PIAS1: variants seen among roughly 807,000 people sequenced by gnomAD.
The protein encoded by PIAS1 is protein inhibitor of activated STAT 1, also known as E3 SUMO-protein ligase PIAS1.
Under a neutral mutation model 71.3 loss-of-function variants are expected in PIAS1, and 6 were observed. The ratio of observed to expected loss-of-function variants is 0.08; its 90% CI spans 0.05 to 0.17. The LOEUF is 0.17. Ranked by LOEUF, PIAS1 falls within the 10% of genes least tolerant of loss-of-function variation. The probability of loss-of-function intolerance (pLI) is 1.00; values close to 1 mark genes in which losing one functional copy is unlikely to be tolerated. For missense variants in PIAS1, 555 were observed against 793.6 expected (o/e 0.70, Z 3.61); for synonymous variants, 303 against 292.9 (o/e 1.03, Z -0.35).
chr15:68,142,296 T>G lies in PIAS1; in HGVS notation c.561T>G (p.Ile187Met), dbSNP rs1216807597. Residue 187 changes from isoleucine (I) to methionine (M), a missense_variant, in exon 4 of 14, where the codon ATT (isoleucine) becomes ATG (methionine). Physicochemically the swap from Ile to Met is conservative, Grantham distance 10. Around this residue, in one of 5 missense-constraint regions of PIAS1, gnomAD observed 134 missense variants for 203.4 expected, o/e 0.66. Coordinates refer to ENST00000249636, the MANE Select transcript of PIAS1 (RefSeq NM_016166.3). The stretch of plus-strand genomic sequence containing the variant: ...CCTATTCTGTCTCTTCTAGGGATAT[T>G]TCTGGGACCAAATGTGACTTCACAG... ...QVQQISSSMD[I>M]SGTKCDFTVQ... The G allele has an allele frequency of 6.2e-7, 1 of 1,605,138 alleles. No homozygotes were observed. The highest frequency in any genetic ancestry group is 1.1e-5 in the South Asian group (1 of 90,750).
At position 68,191,650 on chromosome 15, in the gene PIAS1, G is replaced by A. The variant is rs2093120831; in HGVS notation, c.*3815G>A. 1 of 152,572 alleles carries A rather than the reference G, an allele frequency of 6.6e-6. No individual in the cohort carries two copies. Among genetic ancestry groups the A allele is most frequent in the South Asian group, 2.1e-4 (1 of 4,832 alleles). The allele number at this position is 152,572 out of a possible 1,614,324, so 9.5% of individuals were successfully genotyped here. ...AATATAGCCATCATTTCCCTTTCTT[G>A]TTGAAATATGGCTAACTCTTTAATA... On this transcript the variant is annotated 3_prime_UTR_variant, in exon 14 of 14. Transcript: ENST00000249636.
At position 68,187,090 on chromosome 15, in the gene PIAS1, G is replaced by A. The variant is rs1348160729; in HGVS notation, c.1663-452G>A. On this transcript the variant is annotated intron_variant, in intron 13 of 13. Transcript: ENST00000249636. The surrounding 1 kb of genome is among the most constrained non-coding windows in gnomAD (Gnocchi z 5.3). ...ATTTAAATAAAAATTCTAACTTTCA[G>A]TGGTGCCTGAGTGTATAATAAGAAC... is the stretch of plus-strand genomic sequence containing the variant. Among the ~76,000 whole-genome samples, 1 of 152,182 alleles carries A rather than the reference G, an allele frequency of 6.6e-6. No individual in the cohort carries two copies. Among genetic ancestry groups the A allele is most frequent in the East Asian group, 1.9e-4 (1 of 5,196 alleles).
chr15:68,155,892 G>A (rs2092885485), intron 7 of PIAS1, among the ~76,000 whole-genome samples: 1 of 152,078 alleles, frequency 6.6e-6, no homozygotes, highest in Non-Finnish European at 1.5e-5. Flanking sequence ...CCCTCTCTCA[G>A]CACTCTGCCA....
intron 11 of PIAS1, among the ~76,000 whole-genome samples, chr15:68,177,699 G>A (rs1332795948): frequency 4.6e-5 from 7 of 152,188 alleles, no homozygotes; most frequent in African/African-American, 1.4e-4. Flanking sequence ...TTTCTGGGGG[G>A]TGGTAAAACA....
At chr15:68,069,345 C>G (rs1413029469) in intron 1 of PIAS1, among the ~76,000 whole-genome samples, 1 of 152,192 alleles carries the variant, frequency 6.6e-6, no homozygotes, top group Admixed American at 6.5e-5. Flanking sequence ...CGCTCCCCTC[C>G]TCCTTCCTTT....
chr15:68,086,574 C>T lies in PIAS1; in HGVS notation c.293C>T (p.Thr98Ile). ...TLSPSTIPQL[T>I]YDGHPASSPL... ...TCTCCATCTACCATTCCACAACTCACTTACGATGGTCACCCTGCATCATCG... is the reference window on the plus strand; with the variant it reads ...TCTCCATCTACCATTCCACAACTCATTTACGATGGTCACCCTGCATCATCG... The change falls in exon 2 of 14, where the codon ACT becomes ATT. Residue 98 changes from threonine to isoleucine, a missense_variant. By Grantham distance (89) the Thr-to-Ile change is moderately conservative (BLOSUM62 -1). Around this residue, in one of 5 missense-constraint regions of PIAS1, gnomAD observed 80 missense variants for 66.9 expected, o/e 1.20. Transcript: ENST00000249636. This position sits in a 1 kb window ranked among gnomAD's most constrained non-coding sequence, Gnocchi z 7.2. The T allele has an allele frequency of 2.5e-6, 4 of 1,613,964 alleles. No individual in the cohort carries two copies. Among genetic ancestry groups the T allele is most frequent in the Non-Finnish European group, 3.4e-6 (4 of 1,179,862 alleles).
chr15:68,154,491 A>G (rs2092873749), intron 7 of PIAS1, among the ~76,000 whole-genome samples: 1 of 152,112 alleles, frequency 6.6e-6, no homozygotes, highest in Non-Finnish European at 1.5e-5. Flanking sequence ...TTTGATGTGA[A>G]CTGATTAATG....
chr15:68,170,242 T>C (rs1280274498), intron 8 of PIAS1, among the ~76,000 whole-genome samples: 1 of 152,220 alleles, frequency 6.6e-6, no homozygotes, highest in Non-Finnish European at 1.5e-5. Flanking sequence ...GGGGATTTTG[T>C]TGTTATTCAA....
intron 11 of PIAS1, 50 bp downstream of exon 11, chr15:68,176,704 G>A: frequency 7.9e-7 from 1 of 1,263,020 alleles, no homozygotes; most frequent in East Asian, 2.5e-5. Context: ...AATTAACTTG[G>A]CAAATAGGGA....
chr15:68,144,643 G>A (rs2092795628), intron 4 of PIAS1, among the ~76,000 whole-genome samples: 2 of 152,080 alleles, frequency 1.3e-5, no homozygotes, highest in South Asian at 4.1e-4. Context: ...GAATTAGCCT[G>A]TAATGGAAGG....
At chr15:68,124,353 A>C (rs968411959) in intron 2 of PIAS1, among the ~76,000 whole-genome samples, 2 of 149,998 alleles carry the variant, frequency 1.3e-5, no homozygotes, top group Non-Finnish European at 3.0e-5. Context: ...CATTTACCAC[A>C]GTCGTGACTT....
At chr15:68,113,207 A>G (rs764480651) in intron 2 of PIAS1, among the ~76,000 whole-genome samples, 5 of 152,198 alleles carry the variant, frequency 3.3e-5, no homozygotes, top group Admixed American at 6.6e-5. Context: ...ATGTGTGCAC[A>G]TACATAGGTA....
intron 2 of PIAS1, among the ~76,000 whole-genome samples, chr15:68,106,737 C>G (rs2092473658): frequency 6.6e-6 from 1 of 152,170 alleles, no homozygotes; most frequent in Non-Finnish European, 1.5e-5. Flanking sequence ...AAGAAAATAG[C>G]CTGATCTGTA....
rs766857810 is a variant in PIAS1, at chr15:68,173,848, T to G, written c.1125T>G (p.Pro375=). Residue 375 remains proline, a synonymous_variant, in exon 9 of 14, where the codon CCT becomes CCG. Transcript: ENST00000249636. The surrounding 1 kb of genome is among the most constrained non-coding windows in gnomAD (Gnocchi z 4.3). Reference sequence around the variant, plus strand: ...AGAAAAAACCAACCTGGGTTTGTCCTGTCTGTGATAAGAAGGCTCCATATG... The same window carrying G: ...AGAAAAAACCAACCTGGGTTTGTCCGGTCTGTGATAAGAAGGCTCCATATG... ...MNEKKPTWVC[P]VCDKKAPYEH... The G allele has an allele frequency of 6.3e-7, 1 of 1,591,916 alleles. No homozygotes were observed. The highest frequency in any genetic ancestry group is 8.6e-7 in the Non-Finnish European group (1 of 1,164,698).
Position 68,146,652 on chromosome 15 carries a change from A to G in PIAS1, c.780A>G (p.Thr260=), listed in dbSNP as rs1181573734. The G allele has an allele frequency of 1.9e-6, 3 of 1,613,062 alleles. No individual in the cohort carries two copies. The highest frequency in any genetic ancestry group is 1.1e-5 in the South Asian group (1 of 91,022). ...TCACCTCACTTGTCCGACTGTCCAC[A>G]ACAGTACCAAACACGATTGTTGTTT... ...INITSLVRLS[T]TVPNTIVVSW... is the part of the protein sequence containing the mutation. Residue 260 remains threonine, a synonymous_variant, in exon 6 of 14, where the codon ACA becomes ACG. Coordinates refer to ENST00000249636, the MANE Select transcript of PIAS1 (RefSeq NM_016166.3).
intron 1 of PIAS1, among the ~76,000 whole-genome samples, chr15:68,064,012 G>A (rs1467364394): frequency 6.6e-6 from 1 of 151,804 alleles, no homozygotes. Flanking sequence ...AATATATTTT[G>A]TATGATGAAA....
At chr15:68,181,176 G>A in intron 11 of PIAS1, 36 bp from the exon 12 acceptor site, 5 of 1,600,992 alleles carry the variant, frequency 3.1e-6, no homozygotes, top group Non-Finnish European at 3.4e-6. Flanking sequence ...AGTTTAACTG[G>A]CTAATGAAAA....
intron 2 of PIAS1, among the ~76,000 whole-genome samples, chr15:68,139,016 G>A (rs2092752686): frequency 6.6e-6 from 1 of 152,174 alleles, no homozygotes; most frequent in Admixed American, 6.5e-5. Flanking sequence ...ACTCAGTATA[G>A]TGGTAAGGAG....
intron 2 of PIAS1, among the ~76,000 whole-genome samples, chr15:68,098,903 T>C (rs1191915783): frequency 1.3e-5 from 2 of 152,152 alleles, no homozygotes; most frequent in Admixed American, 6.5e-5. Context: ...TTCCTAGAAA[T>C]AGAAAGTGCA....
Sources: gnomAD v4.1 joint callset for allele counts (sites outside exome capture counted in the v4.1 genomes callset) on GRCh38, gnomAD v4.1.1 for gene constraint, gnomAD v4.1.1 regional missense constraint, Gnocchi (gnomAD v3.1) non-coding constraint, MANE v1.5 for transcripts, NCBI Gene and HGNC (gene_info 2026-07-23, HGNC 2026-07-21) for gene names.